The following FBXW2 variants were observed in gnomAD, a reference collection of about 807,000 sequenced individuals.
FBXW2 encodes the protein F-box and WD repeat domain containing 2.
Under a neutral mutation model 46.0 loss-of-function variants are expected in FBXW2, and 12 were observed. The observed-to-expected ratio is 0.26, with a 90% CI of 0.17 to 0.42. FBXW2 has a LOEUF of 0.42. FBXW2 is among the 10% of genes least tolerant of loss of function. The pLI, the probability that FBXW2 is intolerant of heterozygous loss-of-function variation, is 1.00. For synonymous variants in FBXW2, 203 were observed against 209.6 expected (o/e 0.97, Z 0.27); for missense variants, 360 against 537.0 (o/e 0.67, Z 3.26).
intron 5 of FBXW2, among the ~76,000 whole-genome samples, chr9:120,774,874 C>T (rs2044459054): frequency 6.6e-6 from 1 of 152,198 alleles, no homozygotes; most frequent in Admixed American, 6.5e-5. Context: ...TTCCCAACTA[C>T]AGCATGGCTC....
intron 3 of FBXW2, among the ~76,000 whole-genome samples, chr9:120,786,681 T>A (rs2044730491): frequency 6.6e-6 from 1 of 152,196 alleles, no homozygotes; most frequent in Admixed American, 6.5e-5. Context: ...CACCAAGTAT[T>A]TCTATATATT....
rs1228492530 is a variant in FBXW2 at position 120,757,814 on chromosome 9, T to C, written c.*6745A>G. 6.6e-6 allele frequency: 1 copy of C among 152,194 alleles called. No homozygotes were observed. Among genetic ancestry groups the C allele is most frequent in the East Asian group, 1.9e-4 (1 of 5,204 alleles). 9.4% of individuals were successfully genotyped at this position (152,194 alleles called of 1,614,324 possible). A position where few individuals can be genotyped will look rare whatever the true frequency, so the allele number is the denominator to read the frequency against. On this transcript the variant is annotated 3_prime_UTR_variant, in exon 8 of 8. Transcript: ENST00000608872. ...GTCTAATCACAGTGTGATCATTAAA[T>C]ATTCTCTCCAAATGTACTCAGAACA...
Position 120,772,734 on chromosome 9 carries a change from T to C in FBXW2, c.906+20A>G. On this transcript the variant is annotated intron_variant, in intron 6 of 7. Coordinates refer to ENST00000608872, the MANE Select transcript of FBXW2 (RefSeq NM_012164.4). ...CCAGTTTTTCTTTAATGAAGCAAATTAATGGAGAAAAAAACTCACCTTAAT... is the reference window on the plus strand; with the variant it reads ...CCAGTTTTTCTTTAATGAAGCAAATCAATGGAGAAAAAAACTCACCTTAAT... 1 of 1,506,140 alleles carries C rather than the reference T, an allele frequency of 6.6e-7. No individual in the cohort carries two copies. Among genetic ancestry groups the C allele is most frequent in the South Asian group, 1.2e-5 (1 of 81,232 alleles). The allele number at this position is 1,506,140 out of a possible 1,614,324, so 93.3% of individuals were successfully genotyped here.
At chr9:120,768,907 C>CA (rs1251193173) in intron 7 of FBXW2, among the ~76,000 whole-genome samples, 1 of 152,044 alleles carries the variant, frequency 6.6e-6, no homozygotes, top group African/African-American at 2.4e-5. Context: ...TAACAGAACA[C>CA]AAAAAATAGG....
rs2044192129 is a variant in FBXW2, at chr9:120,761,182, G to C, written c.*3377C>G. 6.6e-6 allele frequency: 1 copy of C among 152,310 alleles called. No homozygotes were observed. Among genetic ancestry groups the C allele is most frequent in the Middle Eastern group, 3.4e-3 (1 of 292 alleles). 9.4% of individuals were successfully genotyped at this position (152,310 alleles called of 1,614,324 possible). A position where few individuals can be genotyped will look rare whatever the true frequency, so the allele number is the denominator to read the frequency against. On this transcript the variant is annotated 3_prime_UTR_variant, in exon 8 of 8. Coordinates refer to ENST00000608872, the MANE Select transcript of FBXW2 (RefSeq NM_012164.4). ...GCAATGTGTATTACTTCAAATGATT[G>C]AGCTGGAGGAAACTACATTCCTTTG...
chr9:120,786,726 T>C (rs972408163), intron 3 of FBXW2, among the ~76,000 whole-genome samples: 1 of 152,206 alleles, frequency 6.6e-6, no homozygotes, highest in African/African-American at 2.4e-5. Context: ...TTGGGATTAT[T>C]AGCAAGAACT....
At chr9:120,776,920 T>G (rs1212923610) in intron 4 of FBXW2, among the ~76,000 whole-genome samples, 1 of 151,900 alleles carries the variant, frequency 6.6e-6, no homozygotes, top group African/African-American at 2.4e-5. Context: ...CAGAAAAAAA[T>G]AAATGTTTAC....
intron 2 of FBXW2, among the ~76,000 whole-genome samples, chr9:120,789,255 G>A (rs2044784692): frequency 6.6e-6 from 1 of 152,200 alleles, no homozygotes; most frequent in Non-Finnish European, 1.5e-5. Flanking sequence ...TAAAATAAGT[G>A]ACAACCAGGA....
intron 3 of FBXW2, among the ~76,000 whole-genome samples, chr9:120,783,487 A>C (rs1205157820): frequency 6.6e-6 from 1 of 152,250 alleles, no homozygotes; most frequent in East Asian, 1.9e-4. Context: ...ACTATTGCAC[A>C]GAACTCTAGA....
In FBXW2 at chr9:120,764,450, G is replaced by A. The variant is rs910836409; in HGVS notation, c.*109C>T. The A allele has an allele frequency of 4.9e-6, 6 of 1,232,760 alleles. No individual in the cohort carries two copies. In the Admixed American group the frequency reaches 6.4e-5, roughly 13 times the overall value. The allele number at this position is 1,232,760 out of a possible 1,614,324, so 76.4% of individuals were successfully genotyped here. The stretch of plus-strand genomic sequence containing the variant: ...GATAAATGATTGTGCACTGCGTGAT[G>A]ATACCATTAGGTGAGAACTTTGGTT... On this transcript the variant is annotated 3_prime_UTR_variant, in exon 8 of 8. Coordinates refer to ENST00000608872, the MANE Select transcript of FBXW2 (RefSeq NM_012164.4).
intron 7 of FBXW2, among the ~76,000 whole-genome samples, chr9:120,765,095 G>GTT (rs751039443): frequency 2.5e-4 from 35 of 139,778 alleles, no homozygotes; most frequent in Admixed American, 2.2e-4. Flanking sequence ...TTTGATCAAA[G>GTT]TTTTTTTTTT....
chr9:120,780,152 A>G (rs1289676541), intron 3 of FBXW2, among the ~76,000 whole-genome samples: 2 of 151,574 alleles, frequency 1.3e-5, no homozygotes, highest in Non-Finnish European at 2.9e-5. Context: ...AAAAAAAAAA[A>G]AAAGAAATGT....
intron 7 of FBXW2, among the ~76,000 whole-genome samples, chr9:120,767,048 CA>C (rs1164469390): frequency 1.3e-5 from 2 of 152,154 alleles, no homozygotes; most frequent in Non-Finnish European, 2.9e-5. Flanking sequence ...AAGGAGTGAG[CA>C]AATCTTTCTG....
chr9:120,786,692 A>G (rs1300694353), intron 3 of FBXW2, among the ~76,000 whole-genome samples: 1 of 152,226 alleles, frequency 6.6e-6, no homozygotes, highest in African/African-American at 2.4e-5. Flanking sequence ...TCTATATATT[A>G]TATACAATGT....
chr9:120,784,096 C>A (rs559421418), intron 3 of FBXW2, among the ~76,000 whole-genome samples: 3 of 152,190 alleles, frequency 2.0e-5, no homozygotes, highest in Admixed American at 6.5e-5. Flanking sequence ...CACTGCACAG[C>A]GTAATTTTAA....
At chr9:120,780,279 A>G (rs2044583360) in intron 3 of FBXW2, among the ~76,000 whole-genome samples, 1 of 151,564 alleles carries the variant, frequency 6.6e-6, no homozygotes, top group Admixed American at 6.6e-5. Context: ...AATCACTTGA[A>G]CCCGGGAGGA....
chr9:120,768,736 C>T (rs961553018), intron 7 of FBXW2, among the ~76,000 whole-genome samples: 1 of 151,846 alleles, frequency 6.6e-6, no homozygotes, highest in Non-Finnish European at 1.5e-5. Flanking sequence ...GCAGGAGAAT[C>T]GCTTGAACCT....
chr9:120,793,396 GA>G lies in FBXW2; in HGVS notation c.-173del, dbSNP rs2044900419. On this transcript the variant is annotated 5_prime_UTR_variant, in exon 1 of 8. Coordinates refer to ENST00000608872, the MANE Select transcript of FBXW2 (RefSeq NM_012164.4). ...GCTCCCGGTCCGCAGCCTCACAGGGGAGCGGCTTCCGGTGCTGCCTGCGTCA... is the reference window on the plus strand; with the variant it reads ...GCTCCCGGTCCGCAGCCTCACAGGGGGCGGCTTCCGGTGCTGCCTGCGTCA... 2.5e-6 allele frequency: 1 copy of G among 400,068 alleles called. No homozygotes were observed. Among genetic ancestry groups the G allele is most frequent in the East Asian group, 3.6e-5 (1 of 28,072 alleles). The allele number at this position is 400,068 out of a possible 1,614,324, so 24.8% of individuals were successfully genotyped here. A position where few individuals can be genotyped will look rare whatever the true frequency, so the allele number is the denominator to read the frequency against.
At chr9:120,773,593 A>G (rs1455360167) in intron 5 of FBXW2, among the ~76,000 whole-genome samples, 1 of 152,244 alleles carries the variant, frequency 6.6e-6, no homozygotes, top group Non-Finnish European at 1.5e-5. Flanking sequence ...ATAAGTATAT[A>G]AACATCAGGT....
Sources: gnomAD v4.1 joint callset for allele counts (sites outside exome capture counted in the v4.1 genomes callset) on GRCh38, gnomAD v4.1.1 for gene constraint, MANE v1.5 for transcripts, NCBI Gene and HGNC (gene_info 2026-07-23, HGNC 2026-07-21) for gene names.